PRKCH: variants seen among roughly 807,000 people sequenced by gnomAD.
The protein encoded by PRKCH is protein kinase C eta, also known as protein kinase C eta type.
PRKCH carries 28 observed loss-of-function variants against 82.5 expected under a neutral mutation model. The ratio of observed to expected loss-of-function variants is 0.34; its 90% confidence interval spans 0.25 to 0.47. The LOEUF (loss-of-function observed/expected upper bound fraction) is 0.47, where lower values mean the gene tolerates loss of function less well. PRKCH is among the 20% of genes least tolerant of loss of function. The pLI, the probability that PRKCH is intolerant of heterozygous loss-of-function variation, is 1.00. For synonymous variants in PRKCH, 322 were observed against 327.4 expected, an observed-to-expected ratio of 0.98 and a Z score of 0.18; for missense variants, 705 against 881.8, an observed-to-expected ratio of 0.80 and a Z score of 2.54.
At chr14:61,530,629 A>T in intron 12 of PRKCH, 34 bp downstream of exon 12, 3 of 1,547,854 alleles carry the variant, frequency 1.9e-6, no homozygotes, top group Non-Finnish European at 2.6e-6. Context: ...CTTCTGATGT[A>T]TTGCAAACCA....
intron 1 of PRKCH, among the ~76,000 whole-genome samples, chr14:61,217,512 C>T (rs922571739): frequency 3.3e-5 from 5 of 152,202 alleles, no homozygotes; most frequent in African/African-American, 1.2e-4. Context: ...AGTCTCCACT[C>T]GCACTTAGAG....
At chr14:61,421,699 A>C (rs895056787) in intron 2 of PRKCH, among the ~76,000 whole-genome samples, 9 of 152,094 alleles carry the variant, frequency 5.9e-5, no homozygotes, top group African/African-American at 1.7e-4. Flanking sequence ...ACACCAATCT[A>C]CCCATTCATT....
Position 61,507,644 on chromosome 14 carries a change from A to AT in PRKCH, c.1434-21429dup, listed in dbSNP as rs528088033. Among the ~76,000 whole-genome samples the AT allele has an allele frequency of 1.1e-3, 165 of 152,240 alleles. 1 individual carries two copies. The highest frequency in any genetic ancestry group is 6.8e-3 in the Middle Eastern group (2 of 292). On this transcript the variant is annotated intron_variant, in intron 10 of 13. Coordinates refer to ENST00000332981, the MANE Select transcript of PRKCH (RefSeq NM_006255.5). ...GACAGTGTGGATGGGCCTGGAGGAG[A>AT]TTATGCCAAATGAAATAAGGCAGAC... is the stretch of plus-strand genomic sequence containing the variant.
intron 9 of PRKCH, among the ~76,000 whole-genome samples, chr14:61,470,383 T>G (rs1317231114): frequency 6.6e-6 from 1 of 152,116 alleles, no homozygotes; most frequent in Non-Finnish European, 1.5e-5. Flanking sequence ...TGGCAGCCCC[T>G]GCATCAGGCT....
chr14:61,240,426 G>A (rs1307269582), intron 1 of PRKCH, among the ~76,000 whole-genome samples: 2 of 151,940 alleles, frequency 1.3e-5, no homozygotes, highest in Admixed American at 6.6e-5. Context: ...ACGCAAATGC[G>A]AGTTGCCATG....
At chr14:61,497,972 A>G (rs72712358) in intron 10 of PRKCH, among the ~76,000 whole-genome samples, 17,934 of 152,098 alleles carry the variant, frequency 0.12, 1,284 homozygotes, top group Admixed American at 0.18. Context: ...AATGTTCTGT[A>G]TTGAACAAGT....
At chr14:61,224,738 G>A (rs1273643453) in intron 1 of PRKCH, among the ~76,000 whole-genome samples, 1 of 152,148 alleles carries the variant, frequency 6.6e-6, no homozygotes, top group African/African-American at 2.4e-5. Flanking sequence ...CCTGGCTAAC[G>A]TAGTGTCTGC....
At chr14:61,479,982 G>A (rs1314167223) in intron 9 of PRKCH, among the ~76,000 whole-genome samples, 1 of 152,204 alleles carries the variant, frequency 6.6e-6, no homozygotes, top group Non-Finnish European at 1.5e-5. Flanking sequence ...CAAAAGAGAG[G>A]AGCAGGGACA....
At chr14:61,514,495 T>C (rs1378684212) in intron 10 of PRKCH, among the ~76,000 whole-genome samples, 1 of 151,996 alleles carries the variant, frequency 6.6e-6, no homozygotes, top group East Asian at 1.9e-4. Context: ...TGTCCTGGTC[T>C]TAGGTCATCC....
At chr14:61,335,844 A>G (rs2045849994) in intron 1 of PRKCH, among the ~76,000 whole-genome samples, 1 of 152,238 alleles carries the variant, frequency 6.6e-6, no homozygotes. Context: ...TTATGGACTA[A>G]TGATACACAA....
At chr14:61,290,813 A>G (rs902408352) in intron 1 of PRKCH, among the ~76,000 whole-genome samples, 2 of 152,232 alleles carry the variant, frequency 1.3e-5, no homozygotes, top group South Asian at 2.1e-4. Context: ...CTTAAAAAAA[A>G]AGAGAGAGAT....
chr14:61,465,173 G>T (rs1229816103), intron 9 of PRKCH, among the ~76,000 whole-genome samples: 2 of 152,112 alleles, frequency 1.3e-5, no homozygotes, highest in African/African-American at 4.8e-5. Context: ...CATTCCACAG[G>T]TTGTCTCTTC....
chr14:61,327,623 T>C (rs999927804), intron 1 of PRKCH, among the ~76,000 whole-genome samples: 1 of 152,196 alleles, frequency 6.6e-6, no homozygotes, highest in South Asian at 2.1e-4. Flanking sequence ...CATATTATTA[T>C]CTTGTTGTCT....
At chr14:61,197,771 C>A (rs1246632268) in intron 1 of PRKCH, among the ~76,000 whole-genome samples, 3 of 152,116 alleles carry the variant, frequency 2.0e-5, no homozygotes, top group Admixed American at 2.0e-4. Flanking sequence ...CACTATATCT[C>A]CAAGGCTGTT....
rs114061203 is a variant in PRKCH at position 61,502,598 on chromosome 14, G to A, written c.1433+16942G>A. On this transcript the variant is annotated intron_variant, in intron 10 of 13. Transcript: ENST00000332981. Reference sequence around the variant, plus strand: ...AAGAGTAGCAGCACATACTTCTACCGTGGTTATAGAGTGCCTTCTGTTGTA... The same window carrying A: ...AAGAGTAGCAGCACATACTTCTACCATGGTTATAGAGTGCCTTCTGTTGTA... Among the ~76,000 whole-genome samples, 933 of 152,164 alleles carry A rather than the reference G, an allele frequency of 6.1e-3. 18 individuals are homozygous for A. The highest frequency in any genetic ancestry group is 0.021 in the African/African-American group (883 of 41,452).
intron 1 of PRKCH, among the ~76,000 whole-genome samples, chr14:61,259,437 G>A (rs953509360): frequency 1.3e-5 from 2 of 152,296 alleles, no homozygotes; most frequent in African/African-American, 4.8e-5. Flanking sequence ...AAGAGGTCAC[G>A]TTAAGAGTAA....
chr14:61,434,740 A>C (rs1348508323), intron 2 of PRKCH, among the ~76,000 whole-genome samples: 1 of 152,192 alleles, frequency 6.6e-6, no homozygotes. Flanking sequence ...TATATGGCAT[A>C]GCTGGGCAGA....
intron 9 of PRKCH, among the ~76,000 whole-genome samples, chr14:61,469,165 G>A (rs1474705770): frequency 1.3e-5 from 2 of 152,192 alleles, no homozygotes; most frequent in Admixed American, 1.3e-4. Flanking sequence ...TTGAACTCCT[G>A]ACCTCAAGCA....
intron 1 of PRKCH, among the ~76,000 whole-genome samples, chr14:61,294,189 C>T (rs1457468803): frequency 4.0e-5 from 6 of 151,780 alleles, no homozygotes; most frequent in Admixed American, 2.0e-4. Context: ...GGCGCGATCT[C>T]GGCTCACTGC....
Sources: allele counts gnomAD v4.1 joint callset (sites outside exome capture counted in the v4.1 genomes callset), GRCh38; gene constraint gnomAD v4.1.1; transcripts MANE v1.5; gene names NCBI Gene and HGNC (gene_info 2026-07-23, HGNC 2026-07-21).